The following KCNQ5 variants were observed in gnomAD, a reference collection of about 807,000 sequenced individuals.
KCNQ5 encodes potassium voltage-gated channel subfamily KQT member 5.
A neutral mutation model predicts 98.2 loss-of-function variants in KCNQ5; 30 were observed. The observed-to-expected ratio is 0.31, with a 90% CI of 0.23 to 0.41. The LOEUF (loss-of-function observed/expected upper bound fraction) is 0.41, where lower values mean the gene tolerates loss of function less well. Among genes scored for constraint, KCNQ5 ranks in the 10% least tolerant of loss-of-function variants. The probability of loss-of-function intolerance (pLI) is 1.00; values close to 1 mark genes in which losing one functional copy is unlikely to be tolerated. For missense variants in KCNQ5, 835 were observed against 1,182.5 expected (o/e 0.71, Z 4.31); for synonymous variants, 458 against 449.4 (o/e 1.02, Z -0.24).
At chr6:73,191,826 TCAGA>T (rs1439548449) in intron 12 of KCNQ5, among the ~76,000 whole-genome samples, 1 of 152,210 alleles carries the variant, frequency 6.6e-6, no homozygotes, top group Admixed American at 6.5e-5. Context: ...ATGTTTCTCT[TCAGA>T]CAAAGTAAAC....
chr6:73,133,842 T>C, intron 10 of KCNQ5: 1 of 711,480 alleles, frequency 1.4e-6, no homozygotes, highest in Non-Finnish European at 2.6e-6. Flanking sequence ...GAAACCACTT[T>C]GGCAGCTAAA....
chr6:72,889,033 A>G (rs761164613), intron 1 of KCNQ5, among the ~76,000 whole-genome samples: 17 of 152,198 alleles, frequency 1.1e-4, no homozygotes, highest in Admixed American at 5.2e-4. Flanking sequence ...GACATTAAAG[A>G]TTAGTAAATA....
At position 73,112,436 on chromosome 6, in the gene KCNQ5, C is replaced by G. The variant is rs560974782; in HGVS notation, c.1125+1033C>G. 8.9e-4 allele frequency among the ~76,000 whole-genome samples: 135 copies of G among 151,884 alleles called. 1 individual carries two copies. Among genetic ancestry groups the G allele is most frequent in the African/African-American group, 3.1e-3 (130 of 41,466 alleles). Reference sequence around the variant, plus strand: ...TCTCGGCTCACTGCAAGCTCCGCCTCCTGGGTTCACGCCATTCTCCTGCCT... The same window carrying G: ...TCTCGGCTCACTGCAAGCTCCGCCTGCTGGGTTCACGCCATTCTCCTGCCT... On this transcript the variant is annotated intron_variant, in intron 7 of 13. Transcript: ENST00000370398.
chr6:73,040,171 T>A (rs754470530), intron 2 of KCNQ5, among the ~76,000 whole-genome samples: 5 of 152,230 alleles, frequency 3.3e-5, no homozygotes, highest in Non-Finnish European at 7.4e-5. Context: ...ATCTGTCATT[T>A]GTTAAGAACA....
At chr6:73,095,744 G>A (rs1015498931) in intron 5 of KCNQ5, among the ~76,000 whole-genome samples, 1 of 152,154 alleles carries the variant, frequency 6.6e-6, no homozygotes, top group African/African-American at 2.4e-5. Context: ...TGGCACTGGG[G>A]ATTGTCTACA....
At chr6:72,998,502 G>A (rs551277610) in intron 1 of KCNQ5, among the ~76,000 whole-genome samples, 1 of 152,178 alleles carries the variant, frequency 6.6e-6, no homozygotes, top group East Asian at 1.9e-4. Context: ...TTGGGAGGCC[G>A]ATGCGGGCGG....
chr6:72,825,111 G>A (rs553597632), intron 1 of KCNQ5, among the ~76,000 whole-genome samples: 1 of 151,630 alleles, frequency 6.6e-6, no homozygotes, highest in African/African-American at 2.4e-5. Flanking sequence ...TGCTCTAGAA[G>A]AAGGCTAGGG....
At chr6:72,625,463 C>G (rs1478907080) in intron 1 of KCNQ5, among the ~76,000 whole-genome samples, 1 of 152,166 alleles carries the variant, frequency 6.6e-6, no homozygotes, top group Non-Finnish European at 1.5e-5. Context: ...GCTCATTTCC[C>G]TGAATGTTGT....
intron 1 of KCNQ5, among the ~76,000 whole-genome samples, chr6:72,632,140 T>TTC (rs1291464914): frequency 2.8e-5 from 4 of 145,428 alleles, no homozygotes; most frequent in Admixed American, 6.8e-5. Context: ...CTTTCTTTCT[T>TTC]TTTTTTTTTT....
chr6:72,944,523 G>T (rs968560253), intron 1 of KCNQ5, among the ~76,000 whole-genome samples: 1 of 152,176 alleles, frequency 6.6e-6, no homozygotes, highest in African/African-American at 2.4e-5. Flanking sequence ...TTACCTCCTA[G>T]TGAATCATTT....
intron 1 of KCNQ5, among the ~76,000 whole-genome samples, chr6:72,631,947 C>T (rs1336108442): frequency 2.0e-5 from 3 of 152,080 alleles, no homozygotes; most frequent in Non-Finnish European, 4.4e-5. Flanking sequence ...GTGTTATCAT[C>T]TTCCTTTCAG....
At chr6:72,984,218 C>T (rs186359278) in intron 1 of KCNQ5, among the ~76,000 whole-genome samples, 6 of 152,324 alleles carry the variant, frequency 3.9e-5, no homozygotes, top group Non-Finnish European at 4.4e-5. Context: ...GAACACCATG[C>T]TGGGAGAACC....
chr6:72,855,486 C>G (rs1409740918), intron 1 of KCNQ5, among the ~76,000 whole-genome samples: 1 of 152,110 alleles, frequency 6.6e-6, no homozygotes, highest in East Asian at 1.9e-4. Flanking sequence ...GTAAGTAGAT[C>G]TTAATTTTAT....
At chr6:72,674,067 C>T (rs545697455) in intron 1 of KCNQ5, among the ~76,000 whole-genome samples, 10 of 152,230 alleles carry the variant, frequency 6.6e-5, no homozygotes, top group African/African-American at 2.4e-4. Flanking sequence ...GTCTTATAAG[C>T]TACATTTCTA....
chr6:72,940,712 T>G (rs571425148), intron 1 of KCNQ5, among the ~76,000 whole-genome samples: 1 of 152,212 alleles, frequency 6.6e-6, no homozygotes, highest in South Asian at 2.1e-4. Flanking sequence ...AGGTAGCAAT[T>G]AAGCACAAGG....
chr6:72,809,539 G>A (rs1387709869), intron 1 of KCNQ5, among the ~76,000 whole-genome samples: 4 of 151,058 alleles, frequency 2.6e-5, no homozygotes, highest in Admixed American at 2.0e-4. Context: ...GTGATGGAGT[G>A]AGACTCCGTC....
At chr6:72,718,314 G>A (rs371743449) in intron 1 of KCNQ5, among the ~76,000 whole-genome samples, 1 of 152,044 alleles carries the variant, frequency 6.6e-6, no homozygotes, top group Non-Finnish European at 1.5e-5. Context: ...CCCTTTGCTG[G>A]TCTGCATGTT....
At chr6:72,928,386 G>A (rs56201874) in intron 1 of KCNQ5, among the ~76,000 whole-genome samples, 2,278 of 152,050 alleles carry the variant, frequency 0.015, 54 homozygotes, top group African/African-American at 0.051. Flanking sequence ...GGAATCTTGT[G>A]GATTCCTTAC....
intron 10 of KCNQ5, among the ~76,000 whole-genome samples, chr6:73,167,006 A>G (rs776037545): frequency 1.7e-4 from 26 of 152,230 alleles, no homozygotes; most frequent in African/African-American, 5.5e-4. Flanking sequence ...CCACGTGGAC[A>G]TAAATCTTGG....
Sources: allele counts gnomAD v4.1 joint callset (sites outside exome capture counted in the v4.1 genomes callset), GRCh38; gene constraint gnomAD v4.1.1; transcripts MANE v1.5; gene names NCBI Gene and HGNC (gene_info 2026-07-23, HGNC 2026-07-21).